The following IL17RD variants were observed in gnomAD, a reference collection of about 807,000 sequenced individuals.
The protein encoded by IL17RD is interleukin 17 receptor D.
Under a neutral mutation model 80.5 loss-of-function variants are expected in IL17RD, and 52 were observed. The observed-to-expected ratio is 0.65, with a 90% CI of 0.52 to 0.81. IL17RD has a LOEUF of 0.81. Ranked by LOEUF, IL17RD falls within the 40% of genes least tolerant of loss-of-function variation. The probability of loss-of-function intolerance (pLI) is 0.00; values close to 1 mark genes in which losing one functional copy is unlikely to be tolerated. For synonymous variants in IL17RD, 416 were observed against 391.8 expected (o/e 1.06, Z -0.73); for missense variants, 1,024 against 955.1 (o/e 1.07, Z -0.95).
chr3:57,138,344 G>A (rs941136001), intron 1 of IL17RD, among the ~76,000 whole-genome samples: 1 of 152,146 alleles, frequency 6.6e-6, no homozygotes, highest in Non-Finnish European at 1.5e-5. Flanking sequence ...AACCAGGAAA[G>A]GAATGATAAC....
intron 1 of IL17RD, among the ~76,000 whole-genome samples, chr3:57,156,612 A>C (rs2060268852): frequency 6.6e-6 from 1 of 152,172 alleles, no homozygotes; most frequent in African/African-American, 2.4e-5. Context: ...TAACACACAG[A>C]ACACACCAAT....
intron 2 of IL17RD, among the ~76,000 whole-genome samples, chr3:57,117,113 AT>A (rs11422909): frequency 2.1e-3 from 285 of 136,096 alleles, no homozygotes; most frequent in African/African-American, 5.1e-3. Context: ...AAGTTTAAGA[AT>A]TTTTTTTTTT....
At chr3:57,165,006 A>G in intron 1 of IL17RD, 155 bp downstream of exon 1, 1 of 1,338,898 alleles carries the variant, frequency 7.5e-7, no homozygotes, top group Non-Finnish European at 9.5e-7. Context: ...GGGGAGGGAA[A>G]CCAGGAGGAT....
Position 57,090,338 on chromosome 3 carries a change from G to C in IL17RD, c.*6055C>G, listed in dbSNP as rs1406843724. 1 of 152,292 alleles carries C rather than the reference G, an allele frequency of 6.6e-6. No individual in the cohort carries two copies. Among genetic ancestry groups the C allele is most frequent in the African/African-American group, 2.4e-5 (1 of 41,442 alleles). The allele number at this position is 152,292 out of a possible 1,614,324, so 9.4% of individuals were successfully genotyped here. On this transcript the variant is annotated 3_prime_UTR_variant, in exon 13 of 13. Transcript: ENST00000296318. ...CTTACTATCTAGATGAACACAATTGGTTTTCACAAAAGCTTTTGCTGCTGT... is the reference window on the plus strand; with the variant it reads ...CTTACTATCTAGATGAACACAATTGCTTTTCACAAAAGCTTTTGCTGCTGT...
chr3:57,121,240 G>C (rs1446412504), intron 1 of IL17RD, among the ~76,000 whole-genome samples: 2 of 152,174 alleles, frequency 1.3e-5, no homozygotes, highest in Non-Finnish European at 2.9e-5. Flanking sequence ...ATGTTGGAGG[G>C]AACCATATGC....
intron 1 of IL17RD, among the ~76,000 whole-genome samples, chr3:57,132,397 T>G (rs1006167966): frequency 1.2e-4 from 18 of 151,662 alleles, no homozygotes; most frequent in Admixed American, 7.2e-4. Flanking sequence ...GAGGCAGAGG[T>G]TGCAGTGAGC....
rs561912242 is a variant in IL17RD, at chr3:57,147,805, AAC to A, written c.126+17354_126+17355del. Among the ~76,000 whole-genome samples the A allele has an allele frequency of 4.6e-3, 703 of 152,270 alleles. 2 individuals are homozygous for A. The highest frequency in any genetic ancestry group is 7.4e-3 in the Admixed American group (113 of 15,290). ...GTAAAAAATAACCATAAATAAATAA[AAC>A]ACAGTGATTATAGCAGCTATGCAAC... is the stretch of plus-strand genomic sequence containing the variant. On this transcript the variant is annotated intron_variant, in intron 1 of 12. Coordinates refer to ENST00000296318, the MANE Select transcript of IL17RD (RefSeq NM_017563.5).
Position 57,105,992 on chromosome 3 carries a change from G to T in IL17RD, c.612C>A (p.Asn204Lys). The T allele has an allele frequency of 6.2e-7, 1 of 1,613,886 alleles. No homozygotes were observed. The highest frequency in any genetic ancestry group is 1.3e-5 in the African/African-American group (1 of 75,030). The change falls in exon 7 of 13, where the codon AAC (asparagine) becomes AAA (lysine). Residue 204 changes from asparagine (N) to lysine (K), a missense_variant. Transcript: ENST00000296318. The stretch of plus-strand genomic sequence containing the variant: ...CCGAGCCATGCTGGCTGATGTTCAG[G>T]TTCCGAGGCTTCCAGACTGGAAGAA... Reference protein sequence around the residue: ...LACKPFWKPRNLNISQHGSDM... With the variant: ...LACKPFWKPRKLNISQHGSDM...
At chr3:57,163,541 A>G (rs1354246827) in intron 1 of IL17RD, among the ~76,000 whole-genome samples, 2 of 152,138 alleles carry the variant, frequency 1.3e-5, no homozygotes, top group Non-Finnish European at 2.9e-5. Flanking sequence ...TACCTACGCC[A>G]TCACATGAAC....
chr3:57,161,018 G>A (rs1304920361), intron 1 of IL17RD, among the ~76,000 whole-genome samples: 1 of 152,162 alleles, frequency 6.6e-6, no homozygotes, highest in East Asian at 1.9e-4. Context: ...GCAGGGGCTT[G>A]GGGTTGGGTG....
intron 2 of IL17RD, among the ~76,000 whole-genome samples, chr3:57,115,964 G>A (rs1443802072): frequency 6.6e-6 from 1 of 152,058 alleles, no homozygotes; most frequent in African/African-American, 2.4e-5. Flanking sequence ...AATGTTCATT[G>A]CAGACATTGA....
At chr3:57,165,379 G>T (rs1434184332), upstream of IL17RD, 6 of 1,081,240 alleles carry the variant, frequency 5.5e-6, no homozygotes, top group African/African-American at 8.4e-5. Context: ...CGGCCGCGGC[G>T]GCAGCGAAGG....
At chr3:57,140,792 G>C (rs973676437) in intron 1 of IL17RD, among the ~76,000 whole-genome samples, 1 of 152,036 alleles carries the variant, frequency 6.6e-6, no homozygotes, top group African/African-American at 2.4e-5. Flanking sequence ...ACAGGTCTAG[G>C]GAAAGTAATA....
At chr3:57,112,715 G>A (rs1319601712) in intron 3 of IL17RD, among the ~76,000 whole-genome samples, 3 of 152,214 alleles carry the variant, frequency 2.0e-5, no homozygotes, top group Admixed American at 6.5e-5. Flanking sequence ...AAACCCAGAA[G>A]TACTGATGTG....
chr3:57,104,490 G>A, intron 7 of IL17RD, 83 bp from the exon 8 acceptor site: 1 of 877,686 alleles, frequency 1.1e-6, no homozygotes, highest in South Asian at 1.5e-5. Context: ...AGAGCTGAAG[G>A]AGACTTGCCA....
At chr3:57,159,292 C>G (rs2060287913) in intron 1 of IL17RD, among the ~76,000 whole-genome samples, 1 of 152,168 alleles carries the variant, frequency 6.6e-6, no homozygotes, top group Non-Finnish European at 1.5e-5. Context: ...GTAAGACTAT[C>G]TGTTTCAATA....
chr3:57,103,170 AT>A (rs560419906), intron 8 of IL17RD, 25 bp from the exon 9 acceptor site: 681 of 1,531,864 alleles, frequency 4.4e-4, no homozygotes, highest in Admixed American at 7.0e-4. Context: ...ATGCTGCATT[AT>A]TTTTTTTTAA....
chr3:57,165,327 G>A lies in IL17RD; in HGVS notation c.-41C>T. ...CAGCCAGGCCGTTCTCTGCGCCCCGGCCGCCCGCCGCTGGCCAGCCCCGAG... is the reference window on the plus strand; with the variant it reads ...CAGCCAGGCCGTTCTCTGCGCCCCGACCGCCCGCCGCTGGCCAGCCCCGAG... On this transcript the variant is annotated 5_prime_UTR_variant, in exon 1 of 13. Coordinates refer to ENST00000296318, the MANE Select transcript of IL17RD (RefSeq NM_017563.5). The A allele has an allele frequency of 7.7e-7, 1 of 1,305,580 alleles. No individual in the cohort carries two copies. Among genetic ancestry groups the A allele is most frequent in the Non-Finnish European group, 9.8e-7 (1 of 1,022,892 alleles). 80.9% of individuals were successfully genotyped at this position (1,305,580 alleles called of 1,614,324 possible). A position where few individuals can be genotyped will look rare whatever the true frequency, so the allele number is the denominator to read the frequency against.
chr3:57,115,159 C>A lies in IL17RD; in HGVS notation c.185-342G>T, dbSNP rs548173615. The stretch of plus-strand genomic sequence containing the variant: ...TCAGTAATTATTTACATCAATTCAA[C>A]CAATTTTCAGCATTAAAGAGTGATA... On this transcript the variant is annotated intron_variant, in intron 2 of 12. Transcript: ENST00000296318. Among the ~76,000 whole-genome samples the A allele has an allele frequency of 4.6e-5, 7 of 152,244 alleles. No homozygotes were observed. The East Asian group carries it at 1.2e-3, about 25-fold the overall frequency.
Sources: gnomAD v4.1 joint callset for allele counts (sites outside exome capture counted in the v4.1 genomes callset) on GRCh38, gnomAD v4.1.1 for gene constraint, MANE v1.5 for transcripts, NCBI Gene and HGNC (gene_info 2026-07-23, HGNC 2026-07-21) for gene names.